PARD3B: variants seen among roughly 807,000 people sequenced by gnomAD.
The protein encoded by PARD3B is par-3 family cell polarity regulator beta.
In PARD3B, 103 loss-of-function variants were observed where a neutral mutation model predicts 130.2. The observed-to-expected ratio is 0.79, with a 90% CI of 0.67 to 0.93. The LOEUF is 0.93. PARD3B is among the 40% of genes least tolerant of loss of function. PARD3B has a pLI of 0.00. For missense variants in PARD3B, 1,609 were observed against 1,499.2 expected, an observed-to-expected ratio of 1.07 and a Z score of -1.21; for synonymous variants, 583 against 553.2, an observed-to-expected ratio of 1.05 and a Z score of -0.76.
chr2:205,151,366 A>G (rs1575969912), intron 10 of PARD3B, among the ~76,000 whole-genome samples: 1 of 152,164 alleles, frequency 6.6e-6, no homozygotes, highest in East Asian at 1.9e-4. Flanking sequence ...GCAGGGTGTT[A>G]AAGTCTCCCA....
At chr2:204,577,131 T>G (rs1479128279) in intron 1 of PARD3B, among the ~76,000 whole-genome samples, 2 of 152,238 alleles carry the variant, frequency 1.3e-5, no homozygotes, top group African/African-American at 4.8e-5. Context: ...CATATCTTTG[T>G]ACTGCAGGCT....
chr2:204,662,121 C>T (rs969048765), intron 1 of PARD3B, among the ~76,000 whole-genome samples: 3 of 152,144 alleles, frequency 2.0e-5, no homozygotes, highest in Non-Finnish European at 2.9e-5. Context: ...GTTATCCACA[C>T]GTGATTTTGT....
intron 16 of PARD3B, among the ~76,000 whole-genome samples, chr2:205,279,156 C>G (rs76844926): frequency 0.034 from 5,081 of 148,546 alleles, 100 homozygotes; most frequent in Middle Eastern, 0.061. Context: ...CAAATTTAAC[C>G]TTACCTTTTA....
intron 4 of PARD3B, among the ~76,000 whole-genome samples, chr2:205,103,080 A>T (rs973185900): frequency 7.9e-6 from 1 of 126,474 alleles, no homozygotes; most frequent in Non-Finnish European, 1.8e-5. Context: ...ATAAAAATAT[A>T]TATTTTTTTA....
intron 1 of PARD3B, among the ~76,000 whole-genome samples, chr2:204,670,652 G>T (rs2036256105): frequency 6.6e-6 from 1 of 152,106 alleles, no homozygotes; most frequent in Non-Finnish European, 1.5e-5. Context: ...TATAACTCAA[G>T]CTATACGTTT....
intron 21 of PARD3B, among the ~76,000 whole-genome samples, chr2:205,520,512 CG>C (rs138065136): frequency 0.012 from 1,777 of 152,114 alleles, 34 homozygotes; most frequent in Non-Finnish European, 0.013. Flanking sequence ...TAGCTCGGGC[CG>C]GGGGTGGCTG....
rs17251025 is a variant in PARD3B at position 205,265,247 on chromosome 2, G to A, written c.2185+19425G>A. On this transcript the variant is annotated intron_variant, in intron 16 of 22. Transcript: ENST00000406610. This position sits in a 1 kb window ranked among gnomAD's most constrained non-coding sequence, Gnocchi z 4.3. ...ACTTAGACAAAGCAAGGTCTTCCAAGAATAAGCACAAAATGTCTATACACA... is the reference window on the plus strand; with the variant it reads ...ACTTAGACAAAGCAAGGTCTTCCAAAAATAAGCACAAAATGTCTATACACA... 0.042 allele frequency among the ~76,000 whole-genome samples: 6,319 copies of A among 152,080 alleles called. 160 individuals carry two copies. The highest frequency in any genetic ancestry group is 0.058 in the Middle Eastern group (17 of 294).
At chr2:205,367,007 CTCTTT>C (rs1311178347) in intron 18 of PARD3B, among the ~76,000 whole-genome samples, 1 of 152,202 alleles carries the variant, frequency 6.6e-6, no homozygotes, top group Non-Finnish European at 1.5e-5. Context: ...GGAGTCTGAA[CTCTTT>C]TAAAGTTTCT....
chr2:204,709,899 A>G (rs1364399509), intron 2 of PARD3B, among the ~76,000 whole-genome samples: 1 of 152,224 alleles, frequency 6.6e-6, no homozygotes, highest in Non-Finnish European at 1.5e-5. Context: ...TGTTTAAGTG[A>G]TTGTGAAATA....
chr2:204,996,988 C>T (rs1419435692), intron 3 of PARD3B, among the ~76,000 whole-genome samples: 1 of 152,060 alleles, frequency 6.6e-6, no homozygotes, highest in African/African-American at 2.4e-5. Flanking sequence ...TCTGGCACTC[C>T]CTAGTGAGAT....
At chr2:205,422,240 T>A (rs2046994996) in intron 19 of PARD3B, among the ~76,000 whole-genome samples, 1 of 152,080 alleles carries the variant, frequency 6.6e-6, no homozygotes, top group African/African-American at 2.4e-5. Flanking sequence ...AAATAAAGCT[T>A]TGTAATTGGA....
intron 2 of PARD3B, among the ~76,000 whole-genome samples, chr2:204,882,631 G>A (rs903487637): frequency 6.6e-6 from 1 of 152,190 alleles, no homozygotes; most frequent in African/African-American, 2.4e-5. Context: ...CAAACAAAGA[G>A]TCCTACTATT....
chr2:204,775,717 A>C, intron 2 of PARD3B, among the ~76,000 whole-genome samples: 1 of 152,140 alleles, frequency 6.6e-6, no homozygotes, highest in South Asian at 2.1e-4. Context: ...ATATCAAGTA[A>C]TTCTGCTTAC....
intron 1 of PARD3B, among the ~76,000 whole-genome samples, chr2:204,638,793 G>A (rs538750418): frequency 1.3e-5 from 2 of 152,260 alleles, no homozygotes; most frequent in South Asian, 2.1e-4. Flanking sequence ...TGGAAATGAT[G>A]GCATATAGTT....
At chr2:205,141,896 G>A (rs546556225) in intron 10 of PARD3B, among the ~76,000 whole-genome samples, 69 of 152,218 alleles carry the variant, frequency 4.5e-4, no homozygotes, top group African/African-American at 6.5e-4. Flanking sequence ...TAATGAGAAC[G>A]TGGCACATAC....
At chr2:205,376,844 T>C (rs2045076446) in intron 18 of PARD3B, among the ~76,000 whole-genome samples, 1 of 152,070 alleles carries the variant, frequency 6.6e-6, no homozygotes, top group Non-Finnish European at 1.5e-5. Flanking sequence ...AATTGATGGG[T>C]GTCCTGAAGG....
intron 1 of PARD3B, among the ~76,000 whole-genome samples, chr2:204,616,169 G>T (rs1248150721): frequency 2.0e-5 from 3 of 152,144 alleles, no homozygotes; most frequent in African/African-American, 7.2e-5. Context: ...ACACACGGTG[G>T]AGAGAATGAG....
At chr2:205,156,080 C>A (rs1378535842) in intron 10 of PARD3B, among the ~76,000 whole-genome samples, 4 of 151,744 alleles carry the variant, frequency 2.6e-5, no homozygotes, top group Non-Finnish European at 2.9e-5. Context: ...TACTATGCAG[C>A]CATAAAAAAT....
chr2:205,038,180 C>T (rs1698146325), intron 3 of PARD3B, among the ~76,000 whole-genome samples: 1 of 152,066 alleles, frequency 6.6e-6, no homozygotes. Context: ...TGAGGCAAAC[C>T]CTTGAGGTCC....
Sources: gnomAD v4.1 joint callset for allele counts (sites outside exome capture counted in the v4.1 genomes callset) on GRCh38, gnomAD v4.1.1 for gene constraint, Gnocchi (gnomAD v3.1) non-coding constraint, MANE v1.5 for transcripts, NCBI Gene and HGNC (gene_info 2026-07-23, HGNC 2026-07-21) for gene names.